NUDC: variants seen among roughly 807,000 people sequenced by gnomAD.
NUDC encodes the protein nuclear migration protein nudC.
Under a neutral mutation model 45.0 loss-of-function variants are expected in NUDC, and 14 were observed. That is an observed-to-expected ratio of 0.31 (90% CI 0.21 to 0.49). NUDC has a LOEUF of 0.49. Among genes scored for constraint, NUDC ranks in the 20% least tolerant of loss-of-function variants. NUDC has a pLI of 0.99. For missense variants in NUDC, 323 were observed against 426.2 expected, an observed-to-expected ratio of 0.76 and a Z score of 2.13; for synonymous variants, 153 against 156.7, an observed-to-expected ratio of 0.98 and a Z score of 0.17.
In NUDC at chr1:26,942,777, G is replaced by T. The variant is rs1396620322; in HGVS notation, c.546+1G>T. On this transcript the variant is annotated splice_donor_variant, in intron 5 of 8. Coordinates refer to ENST00000321265, the MANE Select transcript of NUDC (RefSeq NM_006600.4). LOFTEE classifies it high-confidence loss of function. ...GACCCAGACCCTGTCGGAGCTGGAC[G>T]TGAGTGTCAGGGACCAGAGGTAAAG... 6.2e-7 allele frequency: 1 copy of T among 1,614,122 alleles called. No individual in the cohort carries two copies. Among genetic ancestry groups the T allele is most frequent in the Non-Finnish European group, 8.5e-7 (1 of 1,180,050 alleles).
At chr1:26,944,205 TTTTAAA>T (rs1477960434) in intron 6 of NUDC, among the ~76,000 whole-genome samples, 1 of 151,170 alleles carries the variant, frequency 6.6e-6, no homozygotes, top group East Asian at 2.0e-4. Flanking sequence ...TTTCCCTGCC[TTTTAAA>T]TTTATTTTTT....
intron 2 of NUDC, among the ~76,000 whole-genome samples, chr1:26,934,061 G>A (rs2082206548): frequency 1.3e-5 from 2 of 152,232 alleles, no homozygotes; most frequent in Non-Finnish European, 2.9e-5. Flanking sequence ...GCTGAGGCAA[G>A]AGAATCGCTT....
At chr1:26,923,075 C>G (rs1274179338) in intron 1 of NUDC, among the ~76,000 whole-genome samples, 1 of 152,224 alleles carries the variant, frequency 6.6e-6, no homozygotes, top group Non-Finnish European at 1.5e-5. Context: ...TGAGTCACCA[C>G]TAGATTGTTT....
intron 2 of NUDC, among the ~76,000 whole-genome samples, chr1:26,932,182 CTT>C (rs879725360): frequency 1.4e-5 from 2 of 141,862 alleles, no homozygotes; most frequent in African/African-American, 2.6e-5. Context: ...TTTTCTTTTT[CTT>C]TTTTTTTTTT....
Position 26,933,702 on chromosome 1 carries a change from C to A in NUDC, c.160-7755C>A, listed in dbSNP as rs534047908. 6.2e-4 allele frequency among the ~76,000 whole-genome samples: 95 copies of A among 152,294 alleles called. 1 individual carries two copies. The Middle Eastern group carries it at 0.017, about 27-fold the overall frequency. On this transcript the variant is annotated intron_variant, in intron 2 of 8. Coordinates refer to ENST00000321265, the MANE Select transcript of NUDC (RefSeq NM_006600.4). Reference sequence around the variant, plus strand: ...GTGCTGGGATTACAGGTTTGAGCCACTGCATCCAGCCAGTTTTTAGTTTTT... The same window carrying A: ...GTGCTGGGATTACAGGTTTGAGCCAATGCATCCAGCCAGTTTTTAGTTTTT...
At chr1:26,929,692 A>G (rs781472279) in intron 2 of NUDC, 2 of 443,518 alleles carry the variant, frequency 4.5e-6, no homozygotes, top group Admixed American at 4.6e-5. Context: ...ATGAGTAAAT[A>G]TTATGTGACT....
chr1:26,940,959 G>A (rs1205907720), intron 2 of NUDC, among the ~76,000 whole-genome samples: 1 of 147,650 alleles, frequency 6.8e-6, no homozygotes, highest in South Asian at 2.1e-4. Flanking sequence ...GTCTTGCTCT[G>A]TCACCAGGCT....
At chr1:26,900,827 A>G (rs923031255) in intron 1 of NUDC, among the ~76,000 whole-genome samples, 25 of 152,172 alleles carry the variant, frequency 1.6e-4, no homozygotes, top group African/African-American at 6.0e-4. Context: ...AACTCCCACA[A>G]ATCGGTAAGA....
chr1:26,944,736 A>T (rs541798761), intron 6 of NUDC, among the ~76,000 whole-genome samples: 1 of 152,028 alleles, frequency 6.6e-6, no homozygotes, highest in African/African-American at 2.4e-5. Flanking sequence ...CAGGAGGTGG[A>T]GGTTGCAGTG....
intron 2 of NUDC, among the ~76,000 whole-genome samples, chr1:26,929,524 G>A (rs1287799902): frequency 6.6e-6 from 1 of 152,176 alleles, no homozygotes; most frequent in Non-Finnish European, 1.5e-5. Context: ...GCAGGAGGAT[G>A]CATGTAGGTT....
At chr1:26,908,503 C>A (rs886230636) in intron 2 of NUDC, among the ~76,000 whole-genome samples, 1 of 152,188 alleles carries the variant, frequency 6.6e-6, no homozygotes, top group African/African-American at 2.4e-5. Flanking sequence ...AGCTCCCCAA[C>A]CATGTGGATT....
At chr1:26,917,543 G>A (rs2082067908), upstream of NUDC, among the ~76,000 whole-genome samples, 1 of 151,832 alleles carries the variant, frequency 6.6e-6, no homozygotes, top group African/African-American at 2.4e-5. Flanking sequence ...GACTGGGTGA[G>A]ACACAGTGAG....
chr1:26,911,037 T>G (rs893601374), intron 2 of NUDC: 1 of 449,260 alleles, frequency 2.2e-6, no homozygotes, highest in African/African-American at 2.0e-5. Flanking sequence ...TTGGTCTGCC[T>G]TGGCCTTCAA....
chr1:26,937,189 CG>C (rs2082242018), intron 2 of NUDC, among the ~76,000 whole-genome samples: 1 of 152,168 alleles, frequency 6.6e-6, no homozygotes, highest in South Asian at 2.1e-4. Context: ...CTGGAGCCTC[CG>C]TACCCTCTCT....
At chr1:26,913,606 G>A in intron 3 of NUDC, 11 of 1,614,066 alleles carry the variant, frequency 6.8e-6, no homozygotes, top group Non-Finnish European at 9.3e-6. Context: ...GGGCACCGGG[G>A]CCTCAGCCAC....
At chr1:26,934,905 C>T (rs541311669) in intron 2 of NUDC, among the ~76,000 whole-genome samples, 26 of 152,126 alleles carry the variant, frequency 1.7e-4, no homozygotes, top group Non-Finnish European at 3.1e-4. Flanking sequence ...GATCCACTTG[C>T]CTTGGCCTCC....
rs904519973 is a variant in NUDC at position 26,921,744 on chromosome 1, C to T, written c.-105C>T. 6 of 1,253,252 alleles carry T rather than the reference C, an allele frequency of 4.8e-6. No individual in the cohort carries two copies. Among genetic ancestry groups the T allele is most frequent in the South Asian group, 1.3e-5 (1 of 77,636 alleles). 77.6% of individuals were successfully genotyped at this position (1,253,252 alleles called of 1,614,324 possible). ...CGCGTGCGTGTTTCCGGCTCCGCTG[C>T]GGAAGGCGGACGACTAGAGTCGTTG... On this transcript the variant is annotated 5_prime_UTR_variant, in exon 1 of 9. Transcript: ENST00000321265.
chr1:26,923,926 T>C (rs1195117569), intron 1 of NUDC, among the ~76,000 whole-genome samples, 163 bp from the exon 2 acceptor site: 1 of 152,070 alleles, frequency 6.6e-6, no homozygotes, highest in Non-Finnish European at 1.5e-5. Context: ...ATGGTGGAAG[T>C]GACTAAGAGA....
chr1:26,932,954 T>C (rs2082195342), intron 2 of NUDC, among the ~76,000 whole-genome samples: 1 of 151,068 alleles, frequency 6.6e-6, no homozygotes, highest in Admixed American at 6.6e-5. Context: ...CCATTATATG[T>C]ATATATCACA....
Sources: allele counts gnomAD v4.1 joint callset (sites outside exome capture counted in the v4.1 genomes callset), GRCh38; gene constraint gnomAD v4.1.1; transcripts MANE v1.5; gene names NCBI Gene and HGNC (gene_info 2026-07-23, HGNC 2026-07-21).